PPP2R3C: variants seen among roughly 807,000 people sequenced by gnomAD.
PPP2R3C encodes the protein protein phosphatase 2 regulatory subunit B''gamma, also known as serine/threonine-protein phosphatase 2A regulatory subunit B'' subunit gamma.
Under a neutral mutation model 63.7 loss-of-function variants are expected in PPP2R3C, and 47 were observed. The observed-to-expected ratio is 0.74, with a 90% confidence interval of 0.58 to 0.94. The LOEUF (loss-of-function observed/expected upper bound fraction) is 0.94, where lower values mean the gene tolerates loss of function less well. Among genes scored for constraint, PPP2R3C ranks in the 40% least tolerant of loss-of-function variants. The pLI, the probability that PPP2R3C is intolerant of heterozygous loss-of-function variation, is 0.00. For synonymous variants in PPP2R3C, 180 were observed against 177.4 expected, an observed-to-expected ratio of 1.01 and a Z score of -0.12; for missense variants, 421 against 518.4, an observed-to-expected ratio of 0.81 and a Z score of 1.82.
At chr14:35,099,122 G>T in intron 7 of PPP2R3C, 130 bp downstream of exon 7, 1 of 1,254,052 alleles carries the variant, frequency 8.0e-7, no homozygotes, top group Non-Finnish European at 1.1e-6. Context: ...TTATCTCCTT[G>T]AAATTCACCA....
intron 1 of PPP2R3C, 63 bp downstream of exon 1, chr14:35,121,839 C>A: frequency 6.4e-7 from 1 of 1,562,882 alleles, no homozygotes; most frequent in Non-Finnish European, 8.8e-7. Flanking sequence ...CTCCCCACCT[C>A]CCCCCTACCT....
At position 35,085,834 on chromosome 14, in the gene PPP2R3C, T is replaced by C. The variant is rs1048596041; in HGVS notation, c.1174-56A>G. Reference sequence around the variant, plus strand: ...TGATCCACTTAATTTCTATCACACATAGTGATCCAAAATTCAGGGCTGTTT... The same window carrying C: ...TGATCCACTTAATTTCTATCACACACAGTGATCCAAAATTCAGGGCTGTTT... On this transcript the variant is annotated intron_variant, in intron 12 of 12. Coordinates refer to ENST00000261475, the MANE Select transcript of PPP2R3C (RefSeq NM_017917.4). 1.3e-5 allele frequency: 18 copies of C among 1,410,590 alleles called. No homozygotes were observed. The South Asian group carries it at 2.0e-4, about 16-fold the overall frequency. The allele number at this position is 1,410,590 out of a possible 1,614,324, so 87.4% of individuals were successfully genotyped here.
At chr14:35,119,039 C>CT (rs34769087) in intron 1 of PPP2R3C, among the ~76,000 whole-genome samples, 24,168 of 135,008 alleles carry the variant, frequency 0.18, 2,262 homozygotes, top group East Asian at 0.32. Flanking sequence ...GATCAAATGA[C>CT]TTTTTTTTTT....
intron 1 of PPP2R3C, chr14:35,117,003 A>G: frequency 4.6e-6 from 2 of 434,222 alleles, no homozygotes; most frequent in South Asian, 1.7e-5. Context: ...TCTTCCTCAA[A>G]TTACCTCTCC....
intron 10 of PPP2R3C, among the ~76,000 whole-genome samples, chr14:35,092,131 C>T (rs2045840795): frequency 6.6e-6 from 1 of 152,066 alleles, no homozygotes; most frequent in Non-Finnish European, 1.5e-5. Flanking sequence ...TGCAGTGGTA[C>T]GATCATAGTT....
At chr14:35,095,666 G>GT (rs955350354) in intron 9 of PPP2R3C, among the ~76,000 whole-genome samples, 4 of 148,058 alleles carry the variant, frequency 2.7e-5, no homozygotes, top group African/African-American at 1.0e-4. Context: ...GTGAAACACC[G>GT]TCTCTACTAA....
chr14:35,099,407 T>C, intron 6 of PPP2R3C, 23 bp from the exon 7 acceptor site: 1 of 1,584,372 alleles, frequency 6.3e-7, no homozygotes, highest in South Asian at 1.2e-5. Flanking sequence ...CAAAATAAAG[T>C]GTTAAATGTC....
intron 2 of PPP2R3C, 66 bp downstream of exon 2, chr14:35,116,544 C>T (rs1253931252): frequency 2.2e-6 from 3 of 1,363,190 alleles, no homozygotes; most frequent in East Asian, 2.7e-5. Flanking sequence ...TATGAGCCAC[C>T]CTGCCTTGCC....
At chr14:35,099,181 T>G (rs1235861168) in intron 7 of PPP2R3C, 71 bp downstream of exon 7, 2 of 1,398,298 alleles carry the variant, frequency 1.4e-6, no homozygotes, top group Non-Finnish European at 1.9e-6. Context: ...TTCAAGAGTT[T>G]TCTCTAGTTA....
chr14:35,103,042 T>A (rs1335157070), intron 6 of PPP2R3C, among the ~76,000 whole-genome samples: 1 of 152,202 alleles, frequency 6.6e-6, no homozygotes, highest in East Asian at 1.9e-4. Context: ...ATTACGGGCA[T>A]GAGCCACCGT....
intron 10 of PPP2R3C, among the ~76,000 whole-genome samples, chr14:35,092,097 C>G (rs1338456028): frequency 6.6e-6 from 1 of 152,020 alleles, no homozygotes; most frequent in East Asian, 1.9e-4. Context: ...GAGACAGGGT[C>G]TCACTTTATC....
At chr14:35,107,175 AACAC>A (rs1431565327) in intron 6 of PPP2R3C, 125 bp downstream of exon 6, 5 of 622,634 alleles carry the variant, frequency 8.0e-6, no homozygotes, top group African/African-American at 1.8e-5. Context: ...TGTACACACA[AACAC>A]ACACAGACAG....
chr14:35,090,246 T>G (rs1228906011), intron 11 of PPP2R3C, among the ~76,000 whole-genome samples: 1 of 148,738 alleles, frequency 6.7e-6, no homozygotes, highest in Non-Finnish European at 1.5e-5. Flanking sequence ...AGTTTTTTTT[T>G]TTTTTTTTTT....
At chr14:35,105,229 C>A (rs2046312013) in intron 6 of PPP2R3C, among the ~76,000 whole-genome samples, 1 of 151,828 alleles carries the variant, frequency 6.6e-6, no homozygotes, top group Non-Finnish European at 1.5e-5. Context: ...GTCACCCAGG[C>A]TGGAGTGCAA....
chr14:35,091,531 C>A (rs1001688748), intron 10 of PPP2R3C, among the ~76,000 whole-genome samples: 1 of 151,840 alleles, frequency 6.6e-6, no homozygotes, highest in Non-Finnish European at 1.5e-5. Flanking sequence ...CCATGCCTGG[C>A]TAATTCTGTA....
At chr14:35,122,151 C>T (rs2046929007), upstream of PPP2R3C, 2 of 588,450 alleles carry the variant, frequency 3.4e-6, no homozygotes, top group African/African-American at 3.7e-5. Context: ...ATACCGCTAC[C>T]ACGCTGACTG....
intron 2 of PPP2R3C, chr14:35,112,927 G>A (rs1449807774): frequency 1.3e-5 from 2 of 152,200 alleles, no homozygotes; most frequent in East Asian, 3.8e-4. Context: ...TAGCCTGGAA[G>A]CCCCACTTCA....
chr14:35,098,179 ATTT>A (rs552604039), intron 7 of PPP2R3C, among the ~76,000 whole-genome samples: 13 of 133,412 alleles, frequency 9.7e-5, no homozygotes, highest in Admixed American at 3.9e-4. Context: ...TCATAACTGG[ATTT>A]TTTTTTTTTT....
In PPP2R3C at chr14:35,109,915, A is replaced by T. The variant is rs754106837; in HGVS notation, c.308T>A (p.Leu103Gln). ...CATAGGTGGTGTCTGGTGTTTGTCC[A>T]GCAAAAACCATAAGTTCTTAAGAGA... ...NEELQNLWFLLDKHQTPPMIG... is the reference protein window; with the variant it reads ...NEELQNLWFLQDKHQTPPMIG... Residue 103 changes from leucine (L) to glutamine (Q), a missense_variant, in exon 4 of 13, where the codon CTG (leucine) becomes CAG (glutamine). Physicochemically the swap from Leu to Gln is moderately radical, Grantham distance 113 (BLOSUM62 -2). This residue lies in a region of PPP2R3C where 143 missense variants were observed against 151.2 expected (regional missense o/e 0.95). Transcript: ENST00000261475. 6.2e-7 allele frequency: 1 copy of T among 1,602,608 alleles called. No individual in the cohort carries two copies. The highest frequency in any genetic ancestry group is 8.5e-7 in the Non-Finnish European group (1 of 1,172,258).
Sources: allele counts gnomAD v4.1 joint callset (sites outside exome capture counted in the v4.1 genomes callset), GRCh38; gene constraint gnomAD v4.1.1; regional missense constraint gnomAD v4.1.1; transcripts MANE v1.5; gene names NCBI Gene and HGNC (gene_info 2026-07-23, HGNC 2026-07-21).